ATP8A2: variants seen among roughly 807,000 people sequenced by gnomAD.
ATP8A2 encodes the protein ATPase phospholipid transporting 8A2, also known as phospholipid-transporting ATPase IB.
Under a neutral mutation model 165.6 loss-of-function variants are expected in ATP8A2, and 100 were observed. The ratio of observed to expected loss-of-function variants is 0.60; its 90% confidence interval spans 0.51 to 0.71. The LOEUF is 0.71. ATP8A2 is among the 30% of genes least tolerant of loss of function. The pLI is 0.00. For missense variants in ATP8A2, 1,227 were observed against 1,479.5 expected, an observed-to-expected ratio of 0.83 and a Z score of 2.80; for synonymous variants, 543 against 548.8, an observed-to-expected ratio of 0.99 and a Z score of 0.15.
chr13:25,406,710 C>T (rs1024609261), intron 1 of ATP8A2, among the ~76,000 whole-genome samples: 3 of 152,214 alleles, frequency 2.0e-5, no homozygotes, highest in African/African-American at 4.8e-5. Context: ...CATCTCCCTC[C>T]TGGGGATCCA....
rs755412269 is a variant in ATP8A2 at position 25,968,669 on chromosome 13, A to G, written c.3367A>G (p.Asn1123Asp). The change falls in exon 35 of 37, where the codon AAT (asparagine) becomes GAT (aspartate). Residue 1123 changes from asparagine to aspartate, a missense_variant. Coordinates refer to ENST00000381655, the MANE Select transcript of ATP8A2 (RefSeq NM_016529.6). ...GGGAAAAGCGGTGCTGCGGGATAGC[A>G]ATGGAAAGAGGTGGGGAACTCCGTC... is the stretch of plus-strand genomic sequence containing the variant. The part of the protein sequence containing the change: ...VLGKAVLRDS[N>D]GKRLNERDRL... 10 of 1,613,070 alleles carry G rather than the reference A, an allele frequency of 6.2e-6. No homozygotes were observed. The highest frequency in any genetic ancestry group is 1.7e-5 in the Admixed American group (1 of 59,944).
intron 24 of ATP8A2, among the ~76,000 whole-genome samples, chr13:25,620,936 A>G (rs2040952382): frequency 1.3e-5 from 2 of 152,190 alleles, no homozygotes; most frequent in South Asian, 4.1e-4. Context: ...ATAATAAGAA[A>G]AACCTCAACA....
chr13:25,694,942 G>C (rs1312018461), intron 24 of ATP8A2, among the ~76,000 whole-genome samples: 4 of 152,150 alleles, frequency 2.6e-5, no homozygotes, highest in Non-Finnish European at 5.9e-5. Context: ...TTTGGCAAAA[G>C]TGCTGGGATT....
intron 25 of ATP8A2, among the ~76,000 whole-genome samples, chr13:25,715,803 T>C (rs534811466): frequency 6.6e-6 from 1 of 152,230 alleles, no homozygotes; most frequent in South Asian, 2.1e-4. Flanking sequence ...TTTTCATTTC[T>C]CTTGGGTATA....
chr13:25,785,367 C>G (rs972330211), intron 27 of ATP8A2, among the ~76,000 whole-genome samples: 1 of 151,928 alleles, frequency 6.6e-6, no homozygotes, highest in Admixed American at 6.6e-5. Context: ...GACTCCTTCT[C>G]AAAAAATAAT....
chr13:25,583,744 T>TTTACTCATCAC (rs2039841857), intron 23 of ATP8A2, among the ~76,000 whole-genome samples: 1 of 152,230 alleles, frequency 6.6e-6, no homozygotes, highest in Non-Finnish European at 1.5e-5. Context: ...TTTACTTGTA[T>TTTACTCATCAC]GTGATGAGGC....
At chr13:25,489,261 A>G (rs1453142335) in intron 2 of ATP8A2, among the ~76,000 whole-genome samples, 1 of 151,996 alleles carries the variant, frequency 6.6e-6, no homozygotes, top group African/African-American at 2.4e-5. Flanking sequence ...CCATCTCCCC[A>G]GGCTCCTCTT....
At chr13:25,581,199 G>A (rs1010976171) in intron 22 of ATP8A2, among the ~76,000 whole-genome samples, 11 of 152,246 alleles carry the variant, frequency 7.2e-5, no homozygotes, top group East Asian at 1.9e-4. Flanking sequence ...GGAGCAGGCC[G>A]TTTGTACAGT....
intron 24 of ATP8A2, among the ~76,000 whole-genome samples, chr13:25,689,665 T>C (rs1316223128): frequency 6.6e-6 from 1 of 152,040 alleles, no homozygotes; most frequent in Non-Finnish European, 1.5e-5. Flanking sequence ...CTAGTTGGAG[T>C]GATGATATTA....
chr13:25,941,519 C>T (rs1955072176), intron 33 of ATP8A2, among the ~76,000 whole-genome samples: 1 of 152,142 alleles, frequency 6.6e-6, no homozygotes, highest in Non-Finnish European at 1.5e-5. Context: ...AATGGATCCT[C>T]AATGAACCCC....
At chr13:25,579,994 C>T (rs775262236) in intron 22 of ATP8A2, 47 bp downstream of exon 22, 19 of 1,598,972 alleles carry the variant, frequency 1.2e-5, no homozygotes, top group East Asian at 9.0e-5. Flanking sequence ...AGGACTTAAC[C>T]ACCTATTTCA....
At chr13:25,766,083 C>A (rs908327925) in intron 25 of ATP8A2, among the ~76,000 whole-genome samples, 2 of 152,158 alleles carry the variant, frequency 1.3e-5, no homozygotes, top group African/African-American at 4.8e-5. Flanking sequence ...TCCTGTTTTA[C>A]GCTCTCTTGT....
At chr13:25,622,222 A>T (rs2040987921) in intron 24 of ATP8A2, among the ~76,000 whole-genome samples, 1 of 151,646 alleles carries the variant, frequency 6.6e-6, no homozygotes, top group Non-Finnish European at 1.5e-5. Flanking sequence ...AAAAAAAAAA[A>T]ATTAAGCCTT....
chr13:25,915,015 A>G (rs1175585329), intron 33 of ATP8A2, among the ~76,000 whole-genome samples: 1 of 152,126 alleles, frequency 6.6e-6, no homozygotes, highest in Non-Finnish European at 1.5e-5. Flanking sequence ...ATCTTCTCCA[A>G]ACTTCCTAGC....
At chr13:25,725,511 C>T (rs11618222) in intron 25 of ATP8A2, among the ~76,000 whole-genome samples, 23,813 of 152,148 alleles carry the variant, frequency 0.16, 2,008 homozygotes, top group South Asian at 0.19. Context: ...GGACAACAGA[C>T]AGGGGTGCTG....
chr13:25,437,876 C>A (rs1043623964), intron 1 of ATP8A2, among the ~76,000 whole-genome samples: 4 of 152,108 alleles, frequency 2.6e-5, no homozygotes, highest in Non-Finnish European at 5.9e-5. Context: ...TTATAATACC[C>A]AAAATGATTC....
intron 1 of ATP8A2, among the ~76,000 whole-genome samples, chr13:25,446,846 A>ATTTTG (rs67383062): frequency 5.3e-5 from 8 of 150,738 alleles, no homozygotes; most frequent in Admixed American, 2.6e-4. Flanking sequence ...TAAACCTAGG[A>ATTTTG]TTTTGTTTTG....
At chr13:25,480,605 G>A (rs550028125) in intron 2 of ATP8A2, among the ~76,000 whole-genome samples, 5 of 151,722 alleles carry the variant, frequency 3.3e-5, no homozygotes, top group East Asian at 2.0e-4. Flanking sequence ...GATGGCGGCC[G>A]GGAAGAGGCG....
In ATP8A2 at chr13:25,553,777, T is replaced by C; in HGVS notation, c.1058-16T>C. 2 of 1,608,428 alleles carry C rather than the reference T, an allele frequency of 1.2e-6. No homozygotes were observed. Among genetic ancestry groups the C allele is most frequent in the Non-Finnish European group, 1.7e-6 (2 of 1,177,926 alleles). ...GGTTGTGAACACCTTTCAGATACTC[T>C]GGTTTCCTTCCACAGACACCACCTC... is the stretch of plus-strand genomic sequence containing the variant. On this transcript the variant is annotated splice_polypyrimidine_tract_variant and intron_variant, in intron 11 of 36. Coordinates refer to ENST00000381655, the MANE Select transcript of ATP8A2 (RefSeq NM_016529.6).
Sources: gnomAD v4.1 joint callset for allele counts (sites outside exome capture counted in the v4.1 genomes callset) on GRCh38, gnomAD v4.1.1 for gene constraint, MANE v1.5 for transcripts, NCBI Gene and HGNC (gene_info 2026-07-23, HGNC 2026-07-21) for gene names.